Variants in FRMD6 observed in about 807,000 individuals in gnomAD.
FRMD6 encodes the protein FERM domain-containing protein 6.
Under a neutral mutation model 73.2 loss-of-function variants are expected in FRMD6, and 37 were observed. The ratio of observed to expected loss-of-function variants is 0.51; its 90% confidence interval spans 0.39 to 0.66. FRMD6 has a LOEUF of 0.66. Ranked by LOEUF, FRMD6 falls within the 30% of genes least tolerant of loss-of-function variation. FRMD6 has a pLI of 0.00. For missense variants in FRMD6, 714 were observed against 780.5 expected (o/e 0.91, Z 1.02); for synonymous variants, 273 against 282.2 (o/e 0.97, Z 0.33).
chr14:51,481,200 G>A, the FRMD6 span, among the ~76,000 whole-genome samples: 16 of 152,028 alleles, frequency 1.1e-4, no homozygotes, highest in Non-Finnish European at 1.6e-4. Context: ...GTATGTATTC[G>A]TCCGTTTTCA....
chr14:51,519,394 C>T (rs1035985242), intron 1 of FRMD6, among the ~76,000 whole-genome samples: 2 of 152,112 alleles, frequency 1.3e-5, no homozygotes, highest in African/African-American at 4.8e-5. Context: ...GGGTGACCCA[C>T]CCACCTCGGC....
intron 2 of FRMD6, among the ~76,000 whole-genome samples, chr14:51,691,960 A>G (rs2059679587): frequency 1.3e-5 from 2 of 152,002 alleles, no homozygotes; most frequent in African/African-American, 4.8e-5. Flanking sequence ...GCTGAAATAT[A>G]TGACATTTAA....
intron 1 of FRMD6, among the ~76,000 whole-genome samples, chr14:51,502,887 A>G (rs554862411): frequency 8.5e-5 from 13 of 152,090 alleles, no homozygotes; most frequent in Non-Finnish European, 1.9e-4. Context: ...CAGTGGTTTT[A>G]GTTCTCCTTG....
At chr14:51,702,622 T>A (rs779483345) in intron 5 of FRMD6, 34 bp downstream of exon 5, 1 of 1,529,212 alleles carries the variant, frequency 6.5e-7, no homozygotes. Context: ...AAACGCTTTT[T>A]TTTCCCCCAT....
chr14:51,453,076 A>G, the FRMD6 span, among the ~76,000 whole-genome samples: 1 of 152,168 alleles, frequency 6.6e-6, no homozygotes, highest in Non-Finnish European at 1.5e-5. Context: ...CCTGATGACC[A>G]TGTAAAGTTA....
intron 1 of FRMD6, chr14:51,489,458 A>C (rs1882866893): frequency 1.3e-5 from 2 of 152,590 alleles, no homozygotes; most frequent in Non-Finnish European, 2.9e-5. Context: ...TTTTTTATGA[A>C]ATATAATCTG....
At chr14:51,647,220 C>G (rs1255621222), upstream of FRMD6, among the ~76,000 whole-genome samples, 1 of 151,714 alleles carries the variant, frequency 6.6e-6, no homozygotes, top group African/African-American at 2.4e-5. Flanking sequence ...ATTTTTTCAA[C>G]TCTGTATTTC....
Position 51,711,575 on chromosome 14 carries a change from G to A in FRMD6, c.759G>A (p.Met253Ile). The stretch of plus-strand genomic sequence containing the variant: ...CATCGCTGACTCTTGGATTGACCAT[G>A]AGGGGAATACAGATTTTTCAGGTTG... ...IEASLTLGLT[M>I]RGIQIFQNLD... The change falls in exon 8 of 14, where the codon ATG (methionine) becomes ATA (isoleucine). Residue 253 changes from methionine (M) to isoleucine (I), a missense_variant. Coordinates refer to ENST00000344768, the MANE Select transcript of FRMD6 (RefSeq NM_001267046.2). 1 of 1,607,492 alleles carries A rather than the reference G, an allele frequency of 6.2e-7. No homozygotes were observed. Among genetic ancestry groups the A allele is most frequent in the Non-Finnish European group, 8.5e-7 (1 of 1,174,748 alleles).
At chr14:51,722,832 T>C (rs1002333764) in intron 12 of FRMD6, among the ~76,000 whole-genome samples, 8 of 152,180 alleles carry the variant, frequency 5.3e-5, no homozygotes, top group African/African-American at 1.7e-4. Flanking sequence ...CCAGCTTTGA[T>C]TGAATGAAGG....
intron 5 of FRMD6, among the ~76,000 whole-genome samples, chr14:51,703,579 A>G (rs915023326): frequency 6.6e-6 from 1 of 152,018 alleles, no homozygotes; most frequent in African/African-American, 2.4e-5. Flanking sequence ...GAAGGAATAT[A>G]TATATTTAAC....
At chr14:51,694,782 T>G (rs1895833242) in intron 2 of FRMD6, among the ~76,000 whole-genome samples, 1 of 152,214 alleles carries the variant, frequency 6.6e-6, no homozygotes, top group South Asian at 2.1e-4. Context: ...CTTTTTAACA[T>G]TCCCATTGCT....
At chr14:51,646,770 T>C (rs1281491112) in intron 2 of FRMD6, among the ~76,000 whole-genome samples, 1 of 151,618 alleles carries the variant, frequency 6.6e-6, no homozygotes, top group Non-Finnish European at 1.5e-5. Flanking sequence ...TAAAGTCTCA[T>C]GCATAAGGCA....
chr14:51,418,614 G>A, the FRMD6 span, among the ~76,000 whole-genome samples: 2 of 152,224 alleles, frequency 1.3e-5, no homozygotes, highest in African/African-American at 2.4e-5. Flanking sequence ...GTCTCTCCCA[G>A]TTAGGCTACA....
At chr14:51,666,863 A>G (rs1485904762) in intron 1 of FRMD6, among the ~76,000 whole-genome samples, 7 of 152,206 alleles carry the variant, frequency 4.6e-5, no homozygotes, top group African/African-American at 1.4e-4. Context: ...AGCCTGGCAC[A>G]GTGGCTCACA....
At chr14:51,416,463 T>C in the FRMD6 span, among the ~76,000 whole-genome samples, 1 of 152,204 alleles carries the variant, frequency 6.6e-6, no homozygotes, top group African/African-American at 2.4e-5. Flanking sequence ...TTGTGCGGTT[T>C]TGAGTGAGCT....
At chr14:51,441,121 G>A in the FRMD6 span, among the ~76,000 whole-genome samples, 1 of 152,334 alleles carries the variant, frequency 6.6e-6, no homozygotes, top group African/African-American at 2.4e-5. Flanking sequence ...CAGGCATGGA[G>A]TCACTGCTAT....
chr14:51,701,695 ATC>A (rs1165718175), intron 4 of FRMD6, among the ~76,000 whole-genome samples: 5 of 150,884 alleles, frequency 3.3e-5, no homozygotes, highest in African/African-American at 4.8e-5. Flanking sequence ...AATAAATAGA[ATC>A]TGGATTATCT....
At chr14:51,447,183 G>C in the FRMD6 span, among the ~76,000 whole-genome samples, 1 of 152,160 alleles carries the variant, frequency 6.6e-6, no homozygotes, top group East Asian at 1.9e-4. Flanking sequence ...GGCCTGCAGG[G>C]GTGCGGGGAG....
At chr14:51,644,503 G>A (rs1157803364) in intron 2 of FRMD6, among the ~76,000 whole-genome samples, 1 of 152,168 alleles carries the variant, frequency 6.6e-6, no homozygotes, top group African/African-American at 2.4e-5. Flanking sequence ...GGCCATAGCA[G>A]TTAGAGAGAT....
Sources: gnomAD v4.1 joint callset for allele counts (sites outside exome capture counted in the v4.1 genomes callset) on GRCh38, gnomAD v4.1.1 for gene constraint, MANE v1.5 for transcripts, NCBI Gene and HGNC (gene_info 2026-07-23, HGNC 2026-07-21) for gene names.